Variants in WDR7 observed in about 807,000 individuals in gnomAD.
The protein encoded by WDR7 is WD repeat-containing protein 7.
In WDR7, 46 loss-of-function variants were observed where a neutral mutation model predicts 169.4. The ratio of observed to expected loss-of-function variants is 0.27; its 90% confidence interval spans 0.21 to 0.35. The LOEUF is 0.35. WDR7 is among the 10% of genes least tolerant of loss of function. The pLI is 1.00. For synonymous variants in WDR7, 612 were observed against 666.8 expected (o/e 0.92, Z 1.27); for missense variants, 1,534 against 1,859.3 (o/e 0.83, Z 3.22).
chr18:57,005,907 A>G (rs1350905234), intron 26 of WDR7, among the ~76,000 whole-genome samples: 1 of 152,242 alleles, frequency 6.6e-6, no homozygotes. Flanking sequence ...CCCATAGACC[A>G]CAGGTTGGAC....
At chr18:56,723,583 T>C (rs1365190349) in intron 13 of WDR7, among the ~76,000 whole-genome samples, 2 of 152,162 alleles carry the variant, frequency 1.3e-5, no homozygotes, top group Non-Finnish European at 2.9e-5. Flanking sequence ...AACCTTATGT[T>C]TCCTCTGTAT....
At chr18:56,760,129 T>C (rs1599022652) in intron 16 of WDR7, among the ~76,000 whole-genome samples, 1 of 152,188 alleles carries the variant, frequency 6.6e-6, no homozygotes, top group East Asian at 1.9e-4. Flanking sequence ...TAGATAACTT[T>C]TTTATGCTTG....
Position 56,718,114 on chromosome 18 carries a change from G to T in WDR7, c.1729G>T (p.Val577Leu). The change falls in exon 13 of 28, where the codon GTG (valine) becomes TTG (leucine). Residue 577 changes from valine to leucine, a missense_variant. Coordinates refer to ENST00000254442, the MANE Select transcript of WDR7 (RefSeq NM_015285.3). ...GAGGCCTTCTGATGATTACCTGGTG[G>T]TGGGGTGTTCAGATGGTTCTGTGTA... ...KWRPSDDYLV[V>L]GCSDGSVYVW... 1.9e-6 allele frequency: 3 copies of T among 1,614,098 alleles called. No individual in the cohort carries two copies. The highest frequency in any genetic ancestry group is 2.5e-6 in the Non-Finnish European group (3 of 1,179,980).
At chr18:56,895,158 A>G (rs1345571678) in intron 21 of WDR7, among the ~76,000 whole-genome samples, 1 of 152,036 alleles carries the variant, frequency 6.6e-6, no homozygotes, top group African/African-American at 2.4e-5. Context: ...TAAGAGTTAT[A>G]AATATTGAAC....
intron 20 of WDR7, among the ~76,000 whole-genome samples, chr18:56,866,807 A>G (rs1362864395): frequency 1.3e-5 from 2 of 152,066 alleles, no homozygotes; most frequent in Non-Finnish European, 2.9e-5. Context: ...GTCCTGCCAG[A>G]GAGTCTCAGA....
intron 19 of WDR7, among the ~76,000 whole-genome samples, chr18:56,810,594 T>C (rs953260802): frequency 3.3e-5 from 5 of 152,116 alleles, no homozygotes; most frequent in African/African-American, 1.2e-4. Flanking sequence ...ATTATGCCTT[T>C]CTGAAACAAA....
intron 26 of WDR7, among the ~76,000 whole-genome samples, chr18:56,977,485 C>T (rs1312686539): frequency 6.6e-6 from 1 of 152,202 alleles, no homozygotes; most frequent in Non-Finnish European, 1.5e-5. Flanking sequence ...CCTTGCAAAC[C>T]TTAGTGTCCC....
chr18:56,891,353 G>A (rs1346059261), intron 21 of WDR7, among the ~76,000 whole-genome samples: 11 of 151,958 alleles, frequency 7.2e-5, no homozygotes, highest in Admixed American at 7.2e-4. Context: ...ATACTTTGTG[G>A]CTCGATTTCC....
intron 4 of WDR7, 148 bp from the exon 5 acceptor site, chr18:56,682,531 T>A: frequency 1.2e-6 from 1 of 801,188 alleles, no homozygotes. Context: ...CCATATAATA[T>A]GTACCATTTG....
intron 1 of WDR7, among the ~76,000 whole-genome samples, chr18:56,661,194 T>G (rs1324047862): frequency 6.6e-6 from 1 of 152,156 alleles, no homozygotes; most frequent in Non-Finnish European, 1.5e-5. Context: ...TTGGAATGAC[T>G]GGAGATGCAA....
intron 12 of WDR7, among the ~76,000 whole-genome samples, chr18:56,713,402 A>G (rs1052181390): frequency 6.6e-6 from 1 of 152,188 alleles, no homozygotes; most frequent in Non-Finnish European, 1.5e-5. Flanking sequence ...TTGTGCATCT[A>G]TTACAATTTA....
chr18:56,804,968 A>G (rs1441205689), intron 19 of WDR7, among the ~76,000 whole-genome samples: 1 of 152,084 alleles, frequency 6.6e-6, no homozygotes, highest in Non-Finnish European at 1.5e-5. Flanking sequence ...GCTCTCAGAG[A>G]CCAATTTCCC....
At chr18:56,866,021 A>G (rs1036182910) in intron 20 of WDR7, among the ~76,000 whole-genome samples, 3 of 152,168 alleles carry the variant, frequency 2.0e-5, no homozygotes, top group Non-Finnish European at 4.4e-5. Flanking sequence ...ATGTTGGCAT[A>G]GGCATCAAAT....
chr18:56,976,065 C>T (rs1171077218), intron 26 of WDR7, among the ~76,000 whole-genome samples: 2 of 152,010 alleles, frequency 1.3e-5, no homozygotes, highest in Non-Finnish European at 2.9e-5. Flanking sequence ...GTGTGCTGTC[C>T]ACACCGTTGA....
chr18:56,929,101 G>A (rs1599166102), intron 22 of WDR7, among the ~76,000 whole-genome samples: 1 of 152,120 alleles, frequency 6.6e-6, no homozygotes, highest in East Asian at 1.9e-4. Context: ...GGGCAACATA[G>A]TGAGAACCTG....
intron 1 of WDR7, among the ~76,000 whole-genome samples, chr18:56,671,992 G>A (rs141065563): frequency 7.6e-4 from 116 of 152,236 alleles, no homozygotes; most frequent in Non-Finnish European, 1.5e-3. Flanking sequence ...TTTAATGGAG[G>A]CATACAACTT....
At chr18:56,783,931 G>A (rs1258811773) in intron 19 of WDR7, among the ~76,000 whole-genome samples, 3 of 152,168 alleles carry the variant, frequency 2.0e-5, no homozygotes, top group Non-Finnish European at 4.4e-5. Flanking sequence ...CCAGAACTGT[G>A]TATGTTGTTT....
At chr18:56,881,786 A>C (rs1174333590) in intron 21 of WDR7, among the ~76,000 whole-genome samples, 1 of 152,010 alleles carries the variant, frequency 6.6e-6, no homozygotes, top group Non-Finnish European at 1.5e-5. Flanking sequence ...GGGTTTCCCC[A>C]TGTTGGCCAG....
At chr18:56,682,502 T>C (rs1439055588) in intron 4 of WDR7, among the ~76,000 whole-genome samples, 177 bp from the exon 5 acceptor site, 4 of 152,252 alleles carry the variant, frequency 2.6e-5, no homozygotes, top group Non-Finnish European at 5.9e-5. Context: ...TAACTTAATA[T>C]ATGTGTGTGC....
Sources: gnomAD v4.1 joint callset for allele counts (sites outside exome capture counted in the v4.1 genomes callset) on GRCh38, gnomAD v4.1.1 for gene constraint, MANE v1.5 for transcripts, NCBI Gene and HGNC (gene_info 2026-07-23, HGNC 2026-07-21) for gene names.